The following CSMD1 variants were observed in gnomAD, a reference collection of about 807,000 sequenced individuals.
CSMD1 encodes the protein CUB and Sushi multiple domains 1.
CSMD1 carries 213 observed loss-of-function variants against 417.5 expected under a neutral mutation model. That is an observed-to-expected ratio of 0.51 (90% CI 0.46 to 0.57). The LOEUF (loss-of-function observed/expected upper bound fraction) is 0.57. Ranked by LOEUF, CSMD1 falls within the 20% of genes least tolerant of loss-of-function variation. CSMD1 has a pLI of 0.00. For missense variants in CSMD1, 6,923 were observed against 4,529.7 expected, an observed-to-expected ratio of 1.53 and a Z score of -15.17; for synonymous variants, 2,862 against 1,736.8, an observed-to-expected ratio of 1.65 and a Z score of -16.11.
intron 5 of CSMD1, among the ~76,000 whole-genome samples, chr8:3,812,406 G>A (rs1276059026): frequency 1.3e-5 from 2 of 152,094 alleles, no homozygotes; most frequent in Admixed American, 6.5e-5. Context: ...ATTAAGGACT[G>A]TTGACACCTA....
intron 2 of CSMD1, among the ~76,000 whole-genome samples, chr8:4,563,549 C>T (rs1798447614): frequency 6.6e-6 from 1 of 152,326 alleles, no homozygotes; most frequent in African/African-American, 2.4e-5. Context: ...ACCACACATC[C>T]TCACTCCAAC....
At chr8:4,457,998 G>A (rs1048026669) in intron 2 of CSMD1, among the ~76,000 whole-genome samples, 1 of 152,254 alleles carries the variant, frequency 6.6e-6, no homozygotes, top group East Asian at 1.9e-4. Flanking sequence ...CCCCTGAGAG[G>A]TAGTGACTTC....
chr8:3,667,293 G>A (rs764522669), intron 7 of CSMD1, among the ~76,000 whole-genome samples: 3 of 152,062 alleles, frequency 2.0e-5, no homozygotes, highest in Non-Finnish European at 2.9e-5. Flanking sequence ...AGGGTTATGT[G>A]AAAAATAAGG....
At chr8:3,905,948 A>G (rs980843542) in intron 5 of CSMD1, among the ~76,000 whole-genome samples, 1 of 152,154 alleles carries the variant, frequency 6.6e-6, no homozygotes, top group African/African-American at 2.4e-5. Flanking sequence ...GTGCCCCTCA[A>G]CCATACCTTT....
At chr8:3,295,107 T>C (rs770709165) in intron 25 of CSMD1, among the ~76,000 whole-genome samples, 3 of 139,686 alleles carry the variant, frequency 2.1e-5, no homozygotes, top group Non-Finnish European at 4.7e-5. Flanking sequence ...TCACTTTCAA[T>C]TTGCTTTTAT....
intron 2 of CSMD1, among the ~76,000 whole-genome samples, chr8:4,535,959 G>C (rs1797081214): frequency 6.6e-6 from 1 of 151,738 alleles, no homozygotes; most frequent in Non-Finnish European, 1.5e-5. Context: ...TAACAATGTT[G>C]ATGTAATTAT....
At chr8:4,837,327 C>G (rs1414318194) in intron 1 of CSMD1, among the ~76,000 whole-genome samples, 1 of 152,088 alleles carries the variant, frequency 6.6e-6, no homozygotes. Context: ...TTTACAATAG[C>G]AGAGATTTGG....
intron 5 of CSMD1, among the ~76,000 whole-genome samples, chr8:3,791,305 T>C (rs1205709240): frequency 1.3e-5 from 2 of 152,170 alleles, no homozygotes; most frequent in Non-Finnish European, 2.9e-5. Context: ...TAAATTTAGG[T>C]ATCTGAATTT....
At chr8:4,415,577 T>A (rs1044931377) in intron 3 of CSMD1, among the ~76,000 whole-genome samples, 1 of 152,228 alleles carries the variant, frequency 6.6e-6, no homozygotes, top group Non-Finnish European at 1.5e-5. Flanking sequence ...TACACCAGTG[T>A]TCTGTTTGAT....
At chr8:3,545,807 G>T (rs1023087829) in intron 10 of CSMD1, among the ~76,000 whole-genome samples, 5 of 152,194 alleles carry the variant, frequency 3.3e-5, no homozygotes, top group African/African-American at 1.2e-4. Flanking sequence ...CTGTGAAAAG[G>T]CTCAGGAAGC....
intron 41 of CSMD1, chr8:3,128,665 C>T (rs1817637016): frequency 9.2e-6 from 3 of 325,096 alleles, no homozygotes; most frequent in Admixed American, 8.5e-5. Flanking sequence ...TTAAGTGTCA[C>T]CTCTGTCAGA....
At chr8:4,063,392 T>C (rs1461918202) in intron 3 of CSMD1, among the ~76,000 whole-genome samples, 2 of 152,266 alleles carry the variant, frequency 1.3e-5, no homozygotes, top group Non-Finnish European at 2.9e-5. Context: ...AAGTAAACTA[T>C]ATAGATTATA....
chr8:3,712,375 GGAGAGA>G (rs746268570), intron 6 of CSMD1, among the ~76,000 whole-genome samples: 1 of 112,364 alleles, frequency 8.9e-6, no homozygotes, highest in Non-Finnish European at 1.9e-5. Flanking sequence ...CAAAGAAACA[GGAGAGA>G]GAGAGAGAGA....
At chr8:4,206,336 C>G (rs1015148454) in intron 3 of CSMD1, among the ~76,000 whole-genome samples, 1 of 151,974 alleles carries the variant, frequency 6.6e-6, no homozygotes, top group East Asian at 1.9e-4. Flanking sequence ...TGATGCTATC[C>G]CTTTCCCCTC....
At chr8:3,187,791 G>A (rs1585597144) in intron 36 of CSMD1, 78 bp downstream of exon 36, 2 of 1,043,414 alleles carry the variant, frequency 1.9e-6, no homozygotes, top group East Asian at 2.5e-5. Context: ...TATGTGGAGT[G>A]TTTGCTGTTA....
At chr8:3,166,281 G>C (rs1458066865) in intron 37 of CSMD1, among the ~76,000 whole-genome samples, 1 of 151,970 alleles carries the variant, frequency 6.6e-6, no homozygotes, top group African/African-American at 2.4e-5. Flanking sequence ...CTGTAATCCA[G>C]GCACTTTGGG....
At chr8:3,905,318 T>A (rs1044049369) in intron 5 of CSMD1, among the ~76,000 whole-genome samples, 5 of 152,098 alleles carry the variant, frequency 3.3e-5, no homozygotes, top group African/African-American at 1.2e-4. Context: ...TAGTGACAGG[T>A]ACCTGATCTT....
chr8:4,018,646 C>A (rs1563324213), intron 4 of CSMD1, among the ~76,000 whole-genome samples: 1 of 152,336 alleles, frequency 6.6e-6, no homozygotes, highest in East Asian at 1.9e-4. Context: ...AAGGAGAAAA[C>A]ACTTGTTTAA....
At position 3,409,570 on chromosome 8, in the gene CSMD1, G is replaced by A. The variant is rs763319871; in HGVS notation, c.1597C>T (p.Pro533Ser). The A allele has an allele frequency of 2.5e-6, 4 of 1,607,106 alleles. No individual in the cohort carries two copies. The highest frequency in any genetic ancestry group is 1.1e-5 in the South Asian group (1 of 89,656). Residue 533 changes from proline to serine, a missense_variant, in exon 13 of 70, where the codon CCC becomes TCC. Physicochemically the swap from Pro to Ser is moderately conservative, Grantham distance 74. Transcript: ENST00000635120. ...EKGGCGDPGI[P>S]AYGKRTGSSF... ...CTGCCCGTCCGCTTCCCATAGGCGGGGATTCCAGGATCCCCACACCCTCCC... is the reference window on the plus strand; with the variant it reads ...CTGCCCGTCCGCTTCCCATAGGCGGAGATTCCAGGATCCCCACACCCTCCC...
Sources: gnomAD v4.1 joint callset for allele counts (sites outside exome capture counted in the v4.1 genomes callset) on GRCh38, gnomAD v4.1.1 for gene constraint, MANE v1.5 for transcripts, NCBI Gene and HGNC (gene_info 2026-07-23, HGNC 2026-07-21) for gene names.